Variants in CNTN5 observed in about 807,000 individuals in gnomAD.
CNTN5 encodes contactin 5.
A neutral mutation model predicts 129.1 loss-of-function variants in CNTN5; 77 were observed. The observed-to-expected ratio is 0.60, with a 90% CI of 0.50 to 0.72. The LOEUF is 0.72. Among genes scored for constraint, CNTN5 ranks in the 30% least tolerant of loss-of-function variants. The pLI is 0.00. For synonymous variants in CNTN5, 509 were observed against 465.6 expected (o/e 1.09, Z -1.20); for missense variants, 1,478 against 1,328.8 (o/e 1.11, Z -1.75).
chr11:99,253,042 G>C (rs1472504916), intron 1 of CNTN5, among the ~76,000 whole-genome samples: 4 of 151,450 alleles, frequency 2.6e-5, no homozygotes, highest in Non-Finnish European at 5.9e-5. Context: ...ATATGGTTTG[G>C]CTGTGTCCCC....
At chr11:99,908,391 A>G (rs1433085008) in intron 6 of CNTN5, among the ~76,000 whole-genome samples, 1 of 152,074 alleles carries the variant, frequency 6.6e-6, no homozygotes, top group Non-Finnish European at 1.5e-5. Flanking sequence ...TTTTCTCATC[A>G]TAATGGATTT....
intron 9 of CNTN5, among the ~76,000 whole-genome samples, chr11:100,024,425 G>A (rs1941308648): frequency 6.6e-6 from 1 of 152,112 alleles, no homozygotes; most frequent in South Asian, 2.1e-4. Flanking sequence ...CAACAAATTG[G>A]TACTGGGAGT....
intron 3 of CNTN5, among the ~76,000 whole-genome samples, chr11:99,654,475 A>G (rs555199051): frequency 4.7e-4 from 71 of 152,144 alleles, no homozygotes; most frequent in Non-Finnish European, 1.0e-4. Context: ...ATGGCTGTGG[A>G]ACAGGGGGTA....
intron 3 of CNTN5, among the ~76,000 whole-genome samples, chr11:99,666,692 C>A (rs1040481095): frequency 2.0e-5 from 3 of 152,082 alleles, no homozygotes; most frequent in Non-Finnish European, 4.4e-5. Context: ...GAATTACAAG[C>A]CTTGGACTGC....
At chr11:100,040,043 C>T (rs745885458) in intron 9 of CNTN5, among the ~76,000 whole-genome samples, 12 of 152,172 alleles carry the variant, frequency 7.9e-5, no homozygotes, top group Non-Finnish European at 1.8e-4. Flanking sequence ...AGGAGAGGCA[C>T]TCTGATTTTT....
At chr11:99,424,288 T>C (rs148938437) in intron 2 of CNTN5, among the ~76,000 whole-genome samples, 41 of 152,270 alleles carry the variant, frequency 2.7e-4, no homozygotes, top group African/African-American at 9.6e-4. Flanking sequence ...TACAAGTGAC[T>C]AATGGGTGGG....
chr11:99,628,463 C>T (rs1951210770), intron 3 of CNTN5, among the ~76,000 whole-genome samples: 1 of 152,000 alleles, frequency 6.6e-6, no homozygotes, highest in South Asian at 2.1e-4. Flanking sequence ...TAATCAACCT[C>T]CAATGCTTTG....
At chr11:99,308,640 T>C (rs1565480150) in intron 1 of CNTN5, among the ~76,000 whole-genome samples, 5 of 152,334 alleles carry the variant, frequency 3.3e-5, no homozygotes, top group African/African-American at 9.6e-5. Flanking sequence ...TATGAATTAC[T>C]ATAAGCTTTC....
At chr11:99,941,960 T>C (rs889011650) in intron 7 of CNTN5, among the ~76,000 whole-genome samples, 1 of 151,996 alleles carries the variant, frequency 6.6e-6, no homozygotes, top group South Asian at 2.1e-4. Context: ...CTGATTTCAC[T>C]AAACTTAAAA....
chr11:99,673,295 C>T (rs932193489), intron 3 of CNTN5, among the ~76,000 whole-genome samples: 1 of 152,106 alleles, frequency 6.6e-6, no homozygotes, highest in African/African-American at 2.4e-5. Context: ...TGATAGGAAG[C>T]ACAGACTTAT....
intron 2 of CNTN5, among the ~76,000 whole-genome samples, chr11:99,390,129 G>A (rs953470211): frequency 9.4e-6 from 1 of 106,186 alleles, no homozygotes; most frequent in Non-Finnish European, 2.0e-5. Flanking sequence ...AATAAAATAA[G>A]CCTTTTTTTT....
chr11:99,485,097 A>C (rs1469915764), intron 2 of CNTN5, among the ~76,000 whole-genome samples: 1 of 152,112 alleles, frequency 6.6e-6, no homozygotes, highest in Non-Finnish European at 1.5e-5. Context: ...GAAATGGTAA[A>C]TATTTGATGG....
At chr11:99,429,664 T>C (rs1462376933) in intron 2 of CNTN5, among the ~76,000 whole-genome samples, 1 of 152,146 alleles carries the variant, frequency 6.6e-6, no homozygotes, top group African/African-American at 2.4e-5. Flanking sequence ...ATTTAGGCTC[T>C]ATCTTTTAAC....
intron 18 of CNTN5, among the ~76,000 whole-genome samples, chr11:100,295,893 G>A (rs1951090138): frequency 6.6e-6 from 1 of 151,324 alleles, no homozygotes; most frequent in South Asian, 2.1e-4. Context: ...AGTTTTCAGA[G>A]ATAAATGTGA....
chr11:100,234,490 G>T (rs991864245), intron 16 of CNTN5, among the ~76,000 whole-genome samples: 62 of 152,244 alleles, frequency 4.1e-4, no homozygotes, highest in African/African-American at 1.4e-3. Flanking sequence ...TCATGTCTTT[G>T]CAGGGACATG....
intron 1 of CNTN5, among the ~76,000 whole-genome samples, chr11:99,124,117 T>A (rs573946261): frequency 1.3e-5 from 2 of 152,192 alleles, no homozygotes; most frequent in East Asian, 3.9e-4. Context: ...AATGGCTTTA[T>A]GCAATATGGC....
At chr11:99,024,597 C>T (rs542105912) in intron 1 of CNTN5, among the ~76,000 whole-genome samples, 84 of 152,072 alleles carry the variant, frequency 5.5e-4, no homozygotes, top group South Asian at 3.7e-3. Context: ...TTAAAACACA[C>T]GTCTTTAGTT....
intron 13 of CNTN5, among the ~76,000 whole-genome samples, chr11:100,117,768 A>C (rs1046735044): frequency 1.3e-5 from 2 of 151,852 alleles, no homozygotes; most frequent in Admixed American, 1.3e-4. Context: ...TTCTATTTCA[A>C]CACACTATAT....
chr11:99,180,721 A>G (rs940702206), intron 1 of CNTN5, among the ~76,000 whole-genome samples: 4 of 152,144 alleles, frequency 2.6e-5, no homozygotes, highest in Admixed American at 6.6e-5. Flanking sequence ...GTAGGAAAAT[A>G]CCCTTACAGA....
Sources: gnomAD v4.1 joint callset for allele counts (sites outside exome capture counted in the v4.1 genomes callset) on GRCh38, gnomAD v4.1.1 for gene constraint, MANE v1.5 for transcripts, NCBI Gene and HGNC (gene_info 2026-07-23, HGNC 2026-07-21) for gene names.